Variants in HS3ST5 observed in about 807,000 individuals in gnomAD.
The protein encoded by HS3ST5 is heparan sulfate glucosamine 3-O-sulfotransferase 5.
HS3ST5 carries 10 observed loss-of-function variants against 25.4 expected under a neutral mutation model. The ratio of observed to expected loss-of-function variants is 0.39; its 90% CI spans 0.24 to 0.67. The LOEUF is 0.67. Ranked by LOEUF, HS3ST5 falls within the 30% of genes least tolerant of loss-of-function variation. The pLI, the probability that HS3ST5 is intolerant of heterozygous loss-of-function variation, is 0.44. For synonymous variants in HS3ST5, 170 were observed against 162.4 expected (o/e 1.05, Z -0.36); for missense variants, 324 against 420.7 (o/e 0.77, Z 2.01).
intron 3 of HS3ST5, among the ~76,000 whole-genome samples, chr6:114,134,837 T>C (rs78145813): frequency 0.012 from 1,769 of 152,338 alleles, 37 homozygotes; most frequent in African/African-American, 0.04. Context: ...TCCTCCAGTG[T>C]CCTGAAATTT....
At chr6:114,296,331 T>C (rs1200172860) in intron 1 of HS3ST5, among the ~76,000 whole-genome samples, 1 of 152,142 alleles carries the variant, frequency 6.6e-6, no homozygotes, top group Non-Finnish European at 1.5e-5. Flanking sequence ...ATTTTTATAT[T>C]GGTTTTGCCC....
intron 2 of HS3ST5, among the ~76,000 whole-genome samples, chr6:114,173,164 T>A (rs1201221288): frequency 6.6e-6 from 1 of 152,210 alleles, no homozygotes; most frequent in African/African-American, 2.4e-5. Flanking sequence ...TCTGCCCACA[T>A]TTTACATTCA....
At chr6:114,319,835 G>C (rs1360414254) in intron 1 of HS3ST5, among the ~76,000 whole-genome samples, 1 of 151,934 alleles carries the variant, frequency 6.6e-6, no homozygotes, top group African/African-American at 2.4e-5. Flanking sequence ...GTATGAGTAC[G>C]TCTTTAAGTA....
intron 3 of HS3ST5, among the ~76,000 whole-genome samples, chr6:114,114,414 T>C (rs550707183): frequency 2.0e-5 from 3 of 152,280 alleles, no homozygotes; most frequent in South Asian, 4.1e-4. Context: ...GTTTTCTTGA[T>C]GGTAATGACA....
At chr6:114,269,060 G>T (rs1773529538) in intron 1 of HS3ST5, among the ~76,000 whole-genome samples, 1 of 152,152 alleles carries the variant, frequency 6.6e-6, no homozygotes, top group Admixed American at 6.5e-5. Flanking sequence ...TTCATTAGTT[G>T]CTTTCTAAAA....
intron 1 of HS3ST5, chr6:114,238,875 T>A (rs749684387): frequency 3.9e-5 from 6 of 152,230 alleles, no homozygotes; most frequent in Non-Finnish European, 8.8e-5. Flanking sequence ...TGCTCCTCTG[T>A]ACCACTGTTT....
At chr6:114,099,137 A>G (rs12213853) in intron 3 of HS3ST5, among the ~76,000 whole-genome samples, 21,499 of 152,198 alleles carry the variant, frequency 0.14, 1,559 homozygotes, top group Middle Eastern at 0.21. Context: ...CTGCTCTTCC[A>G]TGCTGCAGAA....
chr6:114,136,126 C>T lies in HS3ST5; in HGVS notation c.-33+32225G>A, dbSNP rs969852300. On this transcript the variant is annotated intron_variant, in intron 3 of 4. Transcript: ENST00000312719. The stretch of plus-strand genomic sequence containing the variant: ...GGTAGCTGTCTAACTCATTAGATTA[C>T]AAACCTCACAAAACAGGAATCAGGC... 9.9e-5 allele frequency among the ~76,000 whole-genome samples: 15 copies of T among 152,202 alleles called. 1 individual carries two copies. Among genetic ancestry groups the T allele is most frequent in the Non-Finnish European group, 2.1e-4 (14 of 68,040 alleles).
intron 3 of HS3ST5, among the ~76,000 whole-genome samples, chr6:114,158,981 T>G (rs1205459291): frequency 6.6e-6 from 1 of 152,194 alleles, no homozygotes; most frequent in Non-Finnish European, 1.5e-5. Context: ...GAAAACCAAA[T>G]AGCAGATTCT....
intron 1 of HS3ST5, among the ~76,000 whole-genome samples, chr6:114,330,373 A>T (rs1034813956): frequency 6.6e-6 from 1 of 152,162 alleles, no homozygotes; most frequent in Non-Finnish European, 1.5e-5. Context: ...AGAGTACAGT[A>T]GTTGCTCGGT....
At chr6:114,172,785 C>T (rs1779532453) in intron 2 of HS3ST5, among the ~76,000 whole-genome samples, 1 of 152,198 alleles carries the variant, frequency 6.6e-6, no homozygotes, top group African/African-American at 2.4e-5. Context: ...CATATAATTA[C>T]ATTGAGTCTA....
intron 1 of HS3ST5, among the ~76,000 whole-genome samples, chr6:114,328,265 G>C (rs866096551): frequency 3.9e-4 from 57 of 146,876 alleles, no homozygotes; most frequent in Non-Finnish European, 2.0e-4. Context: ...AAGGAAAGAA[G>C]GAAGGAAGGA....
chr6:114,342,420 AGGCGGCGGC>A lies in HS3ST5; in HGVS notation c.-573_-565del, dbSNP rs527646640. The A allele has an allele frequency of 3.4e-3, 645 of 191,330 alleles. 2 individuals carry two copies. The highest frequency in any genetic ancestry group is 7.2e-3 in the South Asian group (64 of 8,908). The allele number at this position is 191,330 out of a possible 1,614,324, so 11.9% of individuals were successfully genotyped here. A position where few individuals can be genotyped will look rare whatever the true frequency, so the allele number is the denominator to read the frequency against. On this transcript the variant is annotated 5_prime_UTR_variant, in exon 1 of 5. Transcript: ENST00000312719. The stretch of plus-strand genomic sequence containing the variant: ...TAAGACGCGAGCGGGCCCCACACGC[AGGCGGCGGC>A]GGCGGCGGCGGCGGCGGCGAGGTCT...
At chr6:114,276,882 T>C (rs1314091016) in intron 1 of HS3ST5, among the ~76,000 whole-genome samples, 1 of 151,994 alleles carries the variant, frequency 6.6e-6, no homozygotes, top group Non-Finnish European at 1.5e-5. Context: ...CTTGTATTTA[T>C]GTAAGGAAAT....
In HS3ST5 at chr6:114,057,367, G is replaced by T. The variant is rs751584987; in HGVS notation, c.931C>A (p.Arg311Ser). ...FNKCLAGSKG[R>S]IHPEVDPSVI... ...GAGGGGTCCACCTCTGGATGAATGC[G>T]CCCCTTGCTGCCCGCCAGGCACTTA... Residue 311 changes from arginine (R) to serine (S), a missense_variant, in exon 5 of 5, where the codon CGC (arginine) becomes AGC (serine). Coordinates refer to ENST00000312719, the MANE Select transcript of HS3ST5 (RefSeq NM_153612.4). 6.2e-7 allele frequency: 1 copy of T among 1,613,936 alleles called. No individual in the cohort carries two copies. Among genetic ancestry groups the T allele is most frequent in the South Asian group, 1.1e-5 (1 of 91,072 alleles).
chr6:114,177,901 T>G (rs1779797328), intron 2 of HS3ST5, among the ~76,000 whole-genome samples: 1 of 152,208 alleles, frequency 6.6e-6, no homozygotes, highest in South Asian at 2.1e-4. Flanking sequence ...AAAAGTAGTA[T>G]GTTTATGCAT....
In HS3ST5 at chr6:114,138,629, G is replaced by A. The variant is rs530313709; in HGVS notation, c.-33+29722C>T. On this transcript the variant is annotated intron_variant, in intron 3 of 4. Coordinates refer to ENST00000312719, the MANE Select transcript of HS3ST5 (RefSeq NM_153612.4). ...ATGACACTTGACAGTCCTTTGTACC[G>A]GACCCATCTACGTGGCTCCCCTGGT... 3.3e-5 allele frequency among the ~76,000 whole-genome samples: 5 copies of A among 152,062 alleles called. No individual in the cohort carries two copies. The South Asian group carries it at 6.2e-4, about 19-fold the overall frequency.
At chr6:114,083,779 CT>C (rs1292658702) in intron 3 of HS3ST5, among the ~76,000 whole-genome samples, 2 of 152,120 alleles carry the variant, frequency 1.3e-5, no homozygotes, top group Admixed American at 1.3e-4. Context: ...GAGTATTCCT[CT>C]TCTCCATTAT....
At position 114,151,183 on chromosome 6, in the gene HS3ST5, AT is replaced by A. The variant is rs113060737; in HGVS notation, c.-33+17167del. Among the ~76,000 whole-genome samples the A allele has an allele frequency of 7.6e-4, 115 of 152,264 alleles. 4 individuals carry two copies. Among genetic ancestry groups the A allele is most frequent in the African/African-American group, 2.6e-3 (108 of 41,568 alleles). ...GAGTTAGGATTTTTTGGTATTGTTT[AT>A]TTGTCCCAGCATTATCTGACCCACA... On this transcript the variant is annotated intron_variant, in intron 3 of 4. Coordinates refer to ENST00000312719, the MANE Select transcript of HS3ST5 (RefSeq NM_153612.4).
Sources: allele counts gnomAD v4.1 joint callset (sites outside exome capture counted in the v4.1 genomes callset), GRCh38; gene constraint gnomAD v4.1.1; transcripts MANE v1.5; gene names NCBI Gene and HGNC (gene_info 2026-07-23, HGNC 2026-07-21).